LAMA5: variants seen among roughly 807,000 people sequenced by gnomAD.
The protein encoded by LAMA5 is laminin subunit alpha 5.
A neutral mutation model predicts 433.4 loss-of-function variants in LAMA5; 260 were observed. The ratio of observed to expected loss-of-function variants is 0.60; its 90% CI spans 0.54 to 0.66. The LOEUF (loss-of-function observed/expected upper bound fraction) is 0.66. Ranked by LOEUF, LAMA5 falls within the 30% of genes least tolerant of loss-of-function variation. The pLI is 0.00. For missense variants in LAMA5, 5,378 were observed against 5,258.5 expected, an observed-to-expected ratio of 1.02 and a Z score of -0.70; for synonymous variants, 2,620 against 2,226.6, an observed-to-expected ratio of 1.18 and a Z score of -4.97.
chr20:62,358,780 C>T (rs1343150793), intron 2 of LAMA5, among the ~76,000 whole-genome samples: 1 of 152,170 alleles, frequency 6.6e-6, no homozygotes, highest in Non-Finnish European at 1.5e-5. Context: ...ACCTCAGTTT[C>T]CCCAAGTGCC....
chr20:62,338,240 A>C lies in LAMA5; in HGVS notation c.1748T>G (p.Leu583Arg), dbSNP rs1432897431. The C allele has an allele frequency of 1.3e-6, 2 of 1,596,436 alleles. No homozygotes were observed. The highest frequency in any genetic ancestry group is 1.1e-5 in the South Asian group (1 of 88,770). ...RCAPGYFHFP[L>R]CQLCGCSPAG... ...GGAGAGGCACCACTCACACTGGCAGAGAGGGAAGTGAAAGTAGCCGGGGGC... is the reference window on the plus strand; with the variant it reads ...GGAGAGGCACCACTCACACTGGCAGCGAGGGAAGTGAAAGTAGCCGGGGGC... The change falls in exon 13 of 80, where the codon CTC (leucine) becomes CGC (arginine). Residue 583 changes from leucine to arginine, a missense_variant. By Grantham distance (102) the Leu-to-Arg change is moderately radical. Transcript: ENST00000252999.
Position 62,351,932 on chromosome 20 carries a change from G to T in LAMA5, c.835C>A (p.Arg279=). ...ACCCGGCGGGTGACCGTGGGGTCCC[G>T]CAGCGCCTTCCCCATGAGATGGCCC... The part of the protein sequence containing the change: ...LLGHLMGKAL[R]DPTVTRRYYY... The change falls in exon 5 of 80, where the codon CGG becomes AGG. Residue 279 remains arginine (R), a synonymous_variant. Coordinates refer to ENST00000252999, the MANE Select transcript of LAMA5 (RefSeq NM_005560.6). 1 of 1,608,970 alleles carries T rather than the reference G, an allele frequency of 6.2e-7. No homozygotes were observed. The highest frequency in any genetic ancestry group is 8.5e-7 in the Non-Finnish European group (1 of 1,178,470).
Position 62,327,297 on chromosome 20 carries a change from T to C in LAMA5, c.5048A>G (p.Glu1683Gly). 1.3e-6 allele frequency: 2 copies of C among 1,587,202 alleles called. No individual in the cohort carries two copies. The highest frequency in any genetic ancestry group is 1.7e-6 in the Non-Finnish European group (2 of 1,166,712). Residue 1683 changes from glutamate to glycine, a missense_variant, in exon 38 of 80, where the codon GAG (glutamate) becomes GGG (glycine). By Grantham distance (98) the Glu-to-Gly change is moderately conservative (BLOSUM62 -2). Coordinates refer to ENST00000252999, the MANE Select transcript of LAMA5 (RefSeq NM_005560.6). ...MLRADLRHVP[E>G]AVPEAFPELY... ...CTCGGGGAAAGCCTCGGGCACAGCCTCAGGCACGTGCCGCAGGTCTGCACG... is the reference window on the plus strand; with the variant it reads ...CTCGGGGAAAGCCTCGGGCACAGCCCCAGGCACGTGCCGCAGGTCTGCACG...
chr20:62,309,459 C>T lies in LAMA5; in HGVS notation c.10965G>A (p.Gln3655=), dbSNP rs1985851252. 1.9e-6 allele frequency: 3 copies of T among 1,582,730 alleles called. No homozygotes were observed. The highest frequency in any genetic ancestry group is 1.7e-6 in the Non-Finnish European group (2 of 1,174,114). Residue 3655 remains glutamine, a synonymous_variant, in exon 80 of 80, where the codon CAG becomes CAA. Coordinates refer to ENST00000252999, the MANE Select transcript of LAMA5 (RefSeq NM_005560.6). The part of the protein sequence containing the change: ...LGGLPEPMAV[Q]PWPPAYCGCM... ...AGCCGCAGTAGGCGGGGGGCCAGGG[C>T]TGCACGGCCATGGGCTCTGGGGGCA... is the stretch of plus-strand genomic sequence containing the variant.
chr20:62,335,633 C>G (rs1445109006), intron 18 of LAMA5, among the ~76,000 whole-genome samples: 2 of 142,230 alleles, frequency 1.4e-5, no homozygotes, highest in Non-Finnish European at 3.1e-5. Flanking sequence ...GAACTCCACA[C>G]CCCAACATTC....
rs1175323050 is a variant in LAMA5, at chr20:62,311,999, G to A, written c.9556C>T (p.Leu3186=). Residue 3186 remains leucine, a synonymous_variant, in exon 70 of 80, where the codon CTG becomes TTG. Coordinates refer to ENST00000252999, the MANE Select transcript of LAMA5 (RefSeq NM_005560.6). ...GCTTGAGTTTTCACTTCAGTCCTCA[G>A]GAGCTGTAGGCTCACACGGCCCTGC... The part of the protein sequence containing the change: ...LQQGRVSLQL[L]RTEVKTQAGF... 4.3e-6 allele frequency: 7 copies of A among 1,612,628 alleles called. No homozygotes were observed. The highest frequency in any genetic ancestry group is 3.3e-5 in the Admixed American group (2 of 59,996).
At chr20:62,325,286 C>A in intron 41 of LAMA5, 30 bp downstream of exon 41, 3 of 1,463,422 alleles carry the variant, frequency 2.0e-6, no homozygotes, top group Non-Finnish European at 2.8e-6. Flanking sequence ...AGGTGAGCCG[C>A]CTCGCAGTCT....
At chr20:62,335,914 A>G (rs1244204009) in intron 18 of LAMA5, among the ~76,000 whole-genome samples, 1 of 126,252 alleles carries the variant, frequency 7.9e-6, no homozygotes, top group East Asian at 2.6e-4. Context: ...AATCCCGAGG[A>G]ACCCCACACC....
chr20:62,330,887 G>A lies in LAMA5; in HGVS notation c.3708C>T (p.Asp1236=). Residue 1236 remains aspartate, a synonymous_variant, in exon 30 of 80, where the codon GAC becomes GAT. Transcript: ENST00000252999. ...CGGGCGGCAGCGGGATCACCTGGCA[G>A]TCCCTGAGGATGATGGGCTGGGGCG... ...PKPPQPIILR[D]CQVIPLPPGL... The A allele has an allele frequency of 6.5e-7, 1 of 1,544,682 alleles. No homozygotes were observed. Among genetic ancestry groups the A allele is most frequent in the Non-Finnish European group, 8.7e-7 (1 of 1,144,656 alleles).
rs756552777 is a variant in LAMA5 at position 62,334,145 on chromosome 20, C to T, written c.2739+41G>A. On this transcript the variant is annotated intron_variant, in intron 22 of 79. Coordinates refer to ENST00000252999, the MANE Select transcript of LAMA5 (RefSeq NM_005560.6). ...CCTCCCTGCCAGCCACGCCTGGCTC[C>T]ACTTCTAGGCTGAGCCTGGGAGGGG... 4 of 1,594,360 alleles carry T rather than the reference C, an allele frequency of 2.5e-6. No individual in the cohort carries two copies. In the South Asian group the frequency reaches 4.4e-5, roughly 18 times the overall value.
At chr20:62,352,147 A>C in intron 4 of LAMA5, 68 bp from the exon 5 acceptor site, 1 of 1,582,068 alleles carries the variant, frequency 6.3e-7, no homozygotes, top group South Asian at 1.1e-5. Context: ...TCCCGGGCCC[A>C]CCTTTCCCTT....
In LAMA5 at chr20:62,334,565, C is replaced by T. The variant is rs371277859; in HGVS notation, c.2539G>A (p.Val847Ile). The change falls in exon 21 of 80, where the codon GTC (valine) becomes ATC (isoleucine). Residue 847 changes from valine (V) to isoleucine (I), a missense_variant. Physicochemically the swap from Val to Ile is conservative, Grantham distance 29. Transcript: ENST00000252999. ...LGQSCEPRTG[V>I]CRCRPNTQGP... is the part of the protein sequence containing the mutation. Reference sequence around the variant, plus strand: ...TGGGTGTTGGGGCGGCACCGGCAGACGCCCGTCCTCGGTTCACAGCTCTGG... The same window carrying T: ...TGGGTGTTGGGGCGGCACCGGCAGATGCCCGTCCTCGGTTCACAGCTCTGG... 20 of 1,548,496 alleles carry T rather than the reference C, an allele frequency of 1.3e-5. No individual in the cohort carries two copies. Among genetic ancestry groups the T allele is most frequent in the Middle Eastern group, 1.7e-4 (1 of 5,860 alleles).
Position 62,311,238 on chromosome 20 carries a change from G to A in LAMA5, c.10012C>T (p.Arg3338Ter), listed in dbSNP as rs150238261. Residue 3338 changes from arginine to a stop codon, truncating the protein, a stop_gained, in exon 73 of 80, where the codon CGA (arginine) becomes TGA (stop). Transcript: ENST00000252999. LOFTEE classifies it high-confidence loss of function. ...GAACCCCCAAACTGGTAGGAGTCTC[G>A]GGTGGTCCTGAGGTGTGGGGGCAGC... ...CMLPPHLRTTRDSYQFGGSLS... is the reference protein window; with the variant it reads ...CMLPPHLRTT 2 of 1,609,686 alleles carry A rather than the reference G, an allele frequency of 1.2e-6. No individual in the cohort carries two copies. The highest frequency in any genetic ancestry group is 1.1e-5 in the South Asian group (1 of 90,854).
rs898874025 is a variant in LAMA5 at position 62,346,538 on chromosome 20, T to C, written c.1250A>G (p.Asn417Ser). 6.4e-6 allele frequency: 10 copies of C among 1,555,118 alleles called. No homozygotes were observed. Among genetic ancestry groups the C allele is most frequent in the South Asian group, 3.5e-5 (3 of 84,648 alleles). Reference sequence around the variant, plus strand: ...GACGTGGGGCGAGTCGAGAGGGTGGTTGGGAGAGCGGTAGAAGCCGGGCAG... The same window carrying C: ...GACGTGGGGCGAGTCGAGAGGGTGGCTGGGAGAGCGGTAGAAGCCGGGCAG... ...RCLPGFYRSP[N>S]HPLDSPHVCR... Residue 417 changes from asparagine to serine, a missense_variant, in exon 9 of 80, where the codon AAC (asparagine) becomes AGC (serine). Coordinates refer to ENST00000252999, the MANE Select transcript of LAMA5 (RefSeq NM_005560.6).
Position 62,346,113 on chromosome 20 carries a change from GCA to G in LAMA5, c.1383_1384del (p.Ala462ArgfsTer18). The G allele has an allele frequency of 6.2e-7, 1 of 1,613,042 alleles. No individual in the cohort carries two copies. Among genetic ancestry groups the G allele is most frequent in the Non-Finnish European group, 8.5e-7 (1 of 1,179,996 alleles). Reference sequence around the variant, plus strand: ...GCTTGGGAAGCCCGTGAAGCCCTCGGCACACACGTCACACCGCTCCCCAGAGA... The same window carrying G: ...GCTTGGGAAGCCCGTGAAGCCCTCGGCACACGTCACACCGCTCCCCAGAGA... On this transcript the variant is annotated frameshift_variant, in exon 10 of 80. Coordinates refer to ENST00000252999, the MANE Select transcript of LAMA5 (RefSeq NM_005560.6). LOFTEE classifies it high-confidence loss of function.
At chr20:62,362,833 C>T (rs1209693743) in intron 1 of LAMA5, among the ~76,000 whole-genome samples, 1 of 147,630 alleles carries the variant, frequency 6.8e-6, no homozygotes, top group African/African-American at 2.5e-5. Context: ...TCTCGGTGGG[C>T]CTCTCTAGCG....
chr20:62,318,724 C>T lies in LAMA5; in HGVS notation c.7043-74G>A, dbSNP rs1160854066. 9.6e-6 allele frequency: 15 copies of T among 1,570,532 alleles called. No individual in the cohort carries two copies. The South Asian group carries it at 1.6e-4, about 17-fold the overall frequency. Reference sequence around the variant, plus strand: ...CATGACCCCTGGTCTCCACTTGGTGCCCGCCAGATCCATCTGCCCCGTGAT... The same window carrying T: ...CATGACCCCTGGTCTCCACTTGGTGTCCGCCAGATCCATCTGCCCCGTGAT... On this transcript the variant is annotated intron_variant, in intron 52 of 79. Transcript: ENST00000252999.
chr20:62,327,715 CTG>C, intron 36 of LAMA5, 46 bp from the exon 37 acceptor site: 1 of 1,601,784 alleles, frequency 6.2e-7, no homozygotes, highest in Non-Finnish European at 8.5e-7. Context: ...TGCCAGGTGC[CTG>C]ACCCCGGGTT....
intron 41 of LAMA5, chr20:62,325,019 A>G: frequency 3.2e-6 from 1 of 315,740 alleles, no homozygotes. Context: ...TCGGTGGGGG[A>G]TGTCCAGGTG....
Sources: gnomAD v4.1 joint callset for allele counts (sites outside exome capture counted in the v4.1 genomes callset) on GRCh38, gnomAD v4.1.1 for gene constraint, MANE v1.5 for transcripts, NCBI Gene and HGNC (gene_info 2026-07-23, HGNC 2026-07-21) for gene names.